The following ARHGAP20 variants were observed in gnomAD, a reference collection of about 807,000 sequenced individuals.
The protein encoded by ARHGAP20 is Rho GTPase activating protein 20.
Under a neutral mutation model 73.7 loss-of-function variants are expected in ARHGAP20, and 34 were observed. The observed-to-expected ratio is 0.46, with a 90% CI of 0.35 to 0.61. ARHGAP20 has a LOEUF of 0.61. Among genes scored for constraint, ARHGAP20 ranks in the 20% least tolerant of loss-of-function variants. The pLI is 0.00. For synonymous variants in ARHGAP20, 523 were observed against 518.2 expected, an observed-to-expected ratio of 1.01 and a Z score of -0.13; for missense variants, 1,314 against 1,420.9, an observed-to-expected ratio of 0.92 and a Z score of 1.21.
At chr11:110,616,166 TA>T (rs1338077261) in intron 4 of ARHGAP20, among the ~76,000 whole-genome samples, 1 of 150,568 alleles carries the variant, frequency 6.6e-6, no homozygotes, top group East Asian at 2.0e-4. Flanking sequence ...AAAAAAAAAA[TA>T]CATACAGCAA....
rs767661487 is a variant in ARHGAP20, at chr11:110,606,596, T to G, written c.929A>C (p.Lys310Thr). 6.2e-7 allele frequency: 1 copy of G among 1,611,408 alleles called. No homozygotes were observed. Among genetic ancestry groups the G allele is most frequent in the South Asian group, 1.1e-5 (1 of 90,948 alleles). The change falls in exon 9 of 15, where the codon AAG (lysine) becomes ACG (threonine). Residue 310 changes from lysine to threonine, a missense_variant. Lys to Thr is a moderately conservative substitution (Grantham distance 78, BLOSUM62 -1). Coordinates refer to ENST00000683387, the MANE Select transcript of ARHGAP20 (RefSeq NM_001384657.1). The stretch of plus-strand genomic sequence containing the variant: ...CTGGGCTGCAGCCAGGCGGCTGGGC[T>G]TCAGGATGAACTGGCACTGCATCTC... ...PREMQCQFIL[K>T]PSRLAAAQQL...
intron 9 of ARHGAP20, among the ~76,000 whole-genome samples, chr11:110,603,479 AC>A (rs1440532878): frequency 6.6e-6 from 1 of 152,240 alleles, no homozygotes; most frequent in Non-Finnish European, 1.5e-5. Context: ...ATGTTTAATT[AC>A]AAGTAATATC....
chr11:110,612,193 C>T (rs891922600), intron 6 of ARHGAP20, among the ~76,000 whole-genome samples: 1 of 151,200 alleles, frequency 6.6e-6, no homozygotes, highest in Non-Finnish European at 1.5e-5. Flanking sequence ...CCGAGGTGGG[C>T]GGGTCATGAG....
intron 2 of ARHGAP20, among the ~76,000 whole-genome samples, chr11:110,668,188 C>T (rs956456251): frequency 2.0e-5 from 3 of 152,122 alleles, no homozygotes; most frequent in Non-Finnish European, 4.4e-5. Context: ...TGTCTTATTT[C>T]AAGAAATTGC....
intron 1 of ARHGAP20, among the ~76,000 whole-genome samples, chr11:110,702,858 T>C (rs1029993565): frequency 6.6e-6 from 1 of 152,080 alleles, no homozygotes; most frequent in African/African-American, 2.4e-5. Flanking sequence ...AGGAGAACTA[T>C]AAACCACTGC....
intron 4 of ARHGAP20, among the ~76,000 whole-genome samples, chr11:110,623,789 AG>A (rs1300235590): frequency 2.0e-5 from 2 of 100,240 alleles, no homozygotes; most frequent in East Asian, 7.9e-4. Context: ...GATGTTGAAG[AG>A]GGGGTCCTAA....
At chr11:110,619,529 G>GGTATATGCAGTGATAGA (rs1171675425) in intron 4 of ARHGAP20, among the ~76,000 whole-genome samples, 17 of 100,756 alleles carry the variant, frequency 1.7e-4, no homozygotes, top group African/African-American at 5.4e-4. Context: ...GCAGTGATAG[G>GGTATATGCAGTGATAGA]GTATATGCAG....
chr11:110,687,087 G>GAGACAC (rs1950152271), intron 2 of ARHGAP20, among the ~76,000 whole-genome samples: 2 of 136,728 alleles, frequency 1.5e-5, no homozygotes, highest in Non-Finnish European at 3.1e-5. Flanking sequence ...CATATATATA[G>GAGACAC]ACACACACAC....
At chr11:110,583,878 T>G in intron 12 of ARHGAP20, 141 bp from the exon 13 acceptor site, 27 of 585,246 alleles carry the variant, frequency 4.6e-5, no homozygotes, top group Non-Finnish European at 6.4e-5. Flanking sequence ...CATGGTACCA[T>G]ACAAAGTGAG....
rs1947362033 is a variant in ARHGAP20 at position 110,579,093 on chromosome 11, C to T, written c.*277G>A. On this transcript the variant is annotated 3_prime_UTR_variant, in exon 15 of 15. Coordinates refer to ENST00000683387, the MANE Select transcript of ARHGAP20 (RefSeq NM_001384657.1). ...GTGCTTCCTCTGCAGAAGATGCTTT[C>T]TCTAGCCCTCTGTTAGTATCTCTAA... 1 of 1,062,824 alleles carries T rather than the reference C, an allele frequency of 9.4e-7. No homozygotes were observed. The highest frequency in any genetic ancestry group is 3.8e-5 in the South Asian group (1 of 26,264). 65.8% of individuals were successfully genotyped at this position (1,062,824 alleles called of 1,614,324 possible).
intron 2 of ARHGAP20, among the ~76,000 whole-genome samples, chr11:110,676,876 G>A (rs1404660851): frequency 6.6e-6 from 1 of 151,532 alleles, no homozygotes; most frequent in African/African-American, 2.4e-5. Context: ...ATGATATTTT[G>A]ATATATGTAT....
chr11:110,655,809 T>C (rs17408758), intron 2 of ARHGAP20, among the ~76,000 whole-genome samples: 8,185 of 152,162 alleles, frequency 0.054, 265 homozygotes, highest in Middle Eastern at 0.095. Context: ...AAATGATATT[T>C]CCTAAGGCTA....
intron 2 of ARHGAP20, among the ~76,000 whole-genome samples, chr11:110,675,463 G>T (rs1949911456): frequency 6.6e-6 from 1 of 152,152 alleles, no homozygotes; most frequent in African/African-American, 2.4e-5. Context: ...CCAGTTTTGT[G>T]GGAGACATTT....
rs1439178642 is a variant in ARHGAP20, at chr11:110,712,276, G to A, written c.-45C>T. 5 of 1,270,164 alleles carry A rather than the reference G, an allele frequency of 3.9e-6. No individual in the cohort carries two copies. In the East Asian group the frequency reaches 1.3e-4, roughly 32 times the overall value. 78.7% of individuals were successfully genotyped at this position (1,270,164 alleles called of 1,614,324 possible). On this transcript the variant is annotated 5_prime_UTR_variant, in exon 1 of 15. Transcript: ENST00000683387. ...ATCCCAGCCCAGGAGGAGGCTACAC[G>A]ATCATGTCCGCGGGCTGCCGGCCGG...
At chr11:110,606,329 AAAG>A (rs1202742336) in intron 9 of ARHGAP20, among the ~76,000 whole-genome samples, 1 of 152,196 alleles carries the variant, frequency 6.6e-6, no homozygotes, top group Non-Finnish European at 1.5e-5. Flanking sequence ...GTTAAAGGGG[AAAG>A]AATGGTGAAG....
intron 3 of ARHGAP20, among the ~76,000 whole-genome samples, chr11:110,625,020 A>T (rs1328916653): frequency 5.6e-5 from 7 of 125,152 alleles, no homozygotes; most frequent in East Asian, 5.6e-4. Flanking sequence ...TTTTTTTTTT[A>T]TTTTTATTTT....
intron 12 of ARHGAP20, among the ~76,000 whole-genome samples, chr11:110,585,691 TC>T (rs1416276445): frequency 6.6e-6 from 1 of 152,170 alleles, no homozygotes; most frequent in Non-Finnish European, 1.5e-5. Context: ...TCCTTTGTGA[TC>T]AGACGTCCTT....
At chr11:110,626,310 C>T (rs1193563619) in intron 3 of ARHGAP20, among the ~76,000 whole-genome samples, 1 of 152,146 alleles carries the variant, frequency 6.6e-6, no homozygotes, top group Non-Finnish European at 1.5e-5. Context: ...AAAGTCATCC[C>T]AAAGATCCTT....
At chr11:110,679,378 C>T (rs1050223244) in intron 2 of ARHGAP20, among the ~76,000 whole-genome samples, 3 of 152,080 alleles carry the variant, frequency 2.0e-5, no homozygotes, top group Admixed American at 6.6e-5. Context: ...TACTAGGAGG[C>T]GGGAATCACT....
Sources: allele counts gnomAD v4.1 joint callset (sites outside exome capture counted in the v4.1 genomes callset), GRCh38; gene constraint gnomAD v4.1.1; transcripts MANE v1.5; gene names NCBI Gene and HGNC (gene_info 2026-07-23, HGNC 2026-07-21).